LRP1: variants seen among roughly 807,000 people sequenced by gnomAD.
LRP1 encodes the protein prolow-density lipoprotein receptor-related protein 1.
LRP1 carries 51 observed loss-of-function variants against 541.5 expected under a neutral mutation model. The ratio of observed to expected loss-of-function variants is 0.09; its 90% CI spans 0.08 to 0.12. The LOEUF (loss-of-function observed/expected upper bound fraction) is 0.12, where lower values mean the gene tolerates loss of function less well. Among genes scored for constraint, LRP1 ranks in the 10% least tolerant of loss-of-function variants. The pLI, the probability that LRP1 is intolerant of heterozygous loss-of-function variation, is 1.00. For missense variants in LRP1, 3,878 were observed against 6,376.2 expected (o/e 0.61, Z 13.34); for synonymous variants, 2,219 against 2,470.8 (o/e 0.90, Z 3.02).
In LRP1 at chr12:57,195,663, A is replaced by C. The variant is rs754509643; in HGVS notation, c.8443A>C (p.Asn2815His). The change falls in exon 53 of 89, where the codon AAC becomes CAC. Residue 2815 changes from asparagine (N) to histidine (H), a missense_variant. Asn to His is a moderately conservative substitution (Grantham distance 68). Transcript: ENST00000243077. ...GTGTCCACCTCTGTCCACAGTGTAC[A>C]ACAGCACTTGTGACGACCGTGAGTT... ...DESIAAGCLYNSTCDDREFMC... is the reference protein window; with the variant it reads ...DESIAAGCLYHSTCDDREFMC... 3 of 1,613,984 alleles carry C rather than the reference A, an allele frequency of 1.9e-6. No homozygotes were observed. The highest frequency in any genetic ancestry group is 2.5e-6 in the Non-Finnish European group (3 of 1,180,024).
intron 62 of LRP1, 37 bp from the exon 63 acceptor site, chr12:57,200,405 C>G: frequency 9.4e-7 from 1 of 1,068,582 alleles, no homozygotes; most frequent in Non-Finnish European, 1.5e-6. Flanking sequence ...GTCCCCCAGA[C>G]CCCCACCAAC....
In LRP1 at chr12:57,211,020, A is replaced by G. The variant is rs554695101; in HGVS notation, c.12916+141A>G. 5.1e-6 allele frequency: 7 copies of G among 1,371,144 alleles called. No individual in the cohort carries two copies. In the African/African-American group the frequency reaches 1.0e-4, roughly 20 times the overall value. 84.9% of individuals were successfully genotyped at this position (1,371,144 alleles called of 1,614,324 possible). A position where few individuals can be genotyped will look rare whatever the true frequency, so the allele number is the denominator to read the frequency against. On this transcript the variant is annotated intron_variant, in intron 83 of 88. Transcript: ENST00000243077. The surrounding 1 kb of genome is among the most constrained non-coding windows in gnomAD (Gnocchi z 4.3). ...GCCTTATGCAGCTGAGCCAGGCCCA[A>G]GCTGCTGGCGCTTCCCCACAAAGGT...
intron 1 of LRP1, among the ~76,000 whole-genome samples, chr12:57,137,358 C>A (rs1001945107): frequency 4.0e-5 from 6 of 151,852 alleles, no homozygotes; most frequent in African/African-American, 1.2e-4. Flanking sequence ...GAGGGTAGGG[C>A]CAAGAGGTCC....
Position 57,211,253 on chromosome 12 carries a change from G to A in LRP1, c.12994G>A (p.Ala4332Thr). The A allele has an allele frequency of 6.2e-7, 1 of 1,614,190 alleles. No individual in the cohort carries two copies. The highest frequency in any genetic ancestry group is 8.5e-7 in the Non-Finnish European group (1 of 1,180,046). ...TGGCTCCCGACAATGCCGCTGCACT[G>A]CCTACTTTGAGGGATCGAGGTGTGA... ...ADGSRQCRCT[A>T]YFEGSRCEVN... Residue 4332 changes from alanine to threonine, a missense_variant, in exon 84 of 89, where the codon GCC becomes ACC. Physicochemically the swap from Ala to Thr is moderately conservative, Grantham distance 58 (BLOSUM62 0). Transcript: ENST00000243077. The surrounding 1 kb of genome is among the most constrained non-coding windows in gnomAD (Gnocchi z 4.3).
intron 49 of LRP1, 33 bp from the exon 50 acceptor site, chr12:57,194,544 G>A (rs1259949301): frequency 1.9e-6 from 3 of 1,612,452 alleles, no homozygotes; most frequent in East Asian, 4.5e-5. Context: ...GGCCTGCGGT[G>A]AGCAGGGCCC....
rs755366650 is a variant in LRP1, at chr12:57,185,575, T to A, written c.6508T>A (p.Cys2170Ser). Residue 2170 changes from cysteine to serine, a missense_variant, in exon 41 of 89, where the codon TGC becomes AGC. Coordinates refer to ENST00000243077, the MANE Select transcript of LRP1 (RefSeq NM_002332.3). The surrounding 1 kb of genome is among the most constrained non-coding windows in gnomAD (Gnocchi z 4.9). ...AVANGGCQQL[C>S]LYRGRGQRAC... ...GGCCAATGGCGGGTGCCAGCAGCTG[T>A]GCCTGTACCGGGGCCGTGGGCAGCG... 1 of 1,599,962 alleles carries A rather than the reference T, an allele frequency of 6.3e-7. No homozygotes were observed. The highest frequency in any genetic ancestry group is 1.1e-5 in the South Asian group (1 of 90,528).
chr12:57,176,004 C>T lies in LRP1; in HGVS notation c.3889C>T (p.Arg1297Cys). 6.2e-7 allele frequency: 1 copy of T among 1,614,210 alleles called. No individual in the cohort carries two copies. The highest frequency in any genetic ancestry group is 8.5e-7 in the Non-Finnish European group (1 of 1,180,048). Residue 1297 changes from arginine to cysteine, a missense_variant, in exon 24 of 89, where the codon CGC (arginine) becomes TGC (cysteine). Transcript: ENST00000243077. Reference protein sequence around the residue: ...GDYSVLVPGLRNTIALDFHLS... With the variant: ...GDYSVLVPGLCNTIALDFHLS... Reference sequence around the variant, plus strand: ...CTACAGCGTCCTGGTGCCCGGCCTGCGCAACACCATCGCCCTGGACTTCCA... The same window carrying T: ...CTACAGCGTCCTGGTGCCCGGCCTGTGCAACACCATCGCCCTGGACTTCCA...
intron 70 of LRP1, chr12:57,203,974 C>T (rs1229464495): frequency 5.2e-6 from 1 of 193,968 alleles, no homozygotes; most frequent in Admixed American, 5.8e-5. Flanking sequence ...TGAGAAAAGA[C>T]TGGGCCTTGG....
chr12:57,144,917 C>T lies in LRP1; in HGVS notation c.449-55C>T, dbSNP rs563224087. 8.3e-5 allele frequency: 131 copies of T among 1,570,770 alleles called. No homozygotes were observed. The South Asian group carries it at 1.4e-3, about 16-fold the overall frequency. On this transcript the variant is annotated intron_variant, in intron 4 of 88. Coordinates refer to ENST00000243077, the MANE Select transcript of LRP1 (RefSeq NM_002332.3). Reference sequence around the variant, plus strand: ...GTTGATCATGTCTGATGATCACCCACTTCGTTGCCCTTGTCACACTGGAAA... The same window carrying T: ...GTTGATCATGTCTGATGATCACCCATTTCGTTGCCCTTGTCACACTGGAAA...
Position 57,184,235 on chromosome 12 carries a change from G to A in LRP1, c.6059+21G>A, listed in dbSNP as rs369518216. 6.2e-7 allele frequency: 1 copy of A among 1,613,382 alleles called. No homozygotes were observed. Among genetic ancestry groups the A allele is most frequent in the Non-Finnish European group, 8.5e-7 (1 of 1,179,394 alleles). ...AAAGGGTGAGGAGCTGGAAAGACTG[G>A]CCTTGTCATTCTGCCCATGGCCCAT... On this transcript the variant is annotated intron_variant, in intron 37 of 88. Transcript: ENST00000243077. The surrounding 1 kb of genome is among the most constrained non-coding windows in gnomAD (Gnocchi z 7.8).
chr12:57,200,826 G>GACCCCCCCCCCCCC lies in LRP1; in HGVS notation c.10225+11_10225+12insACCCCCCCCCCCCC. 2 of 1,581,438 alleles carry GACCCCCCCCCCCCC rather than the reference G, an allele frequency of 1.3e-6. No homozygotes were observed. Among genetic ancestry groups the GACCCCCCCCCCCCC allele is most frequent in the Admixed American group, 1.7e-5 (1 of 58,546 alleles). ...ACGAGGCCAACTGTGGTAAGGCGCTGCCCGCCCACCCTCCCTCCTTCCCCA... is the reference window on the plus strand; with the variant it reads ...ACGAGGCCAACTGTGGTAAGGCGCTGACCCCCCCCCCCCCCCCGCCCACCCTCCCTCCTTCCCCA... On this transcript the variant is annotated intron_variant, in intron 64 of 88. Coordinates refer to ENST00000243077, the MANE Select transcript of LRP1 (RefSeq NM_002332.3).
intron 6 of LRP1, chr12:57,149,803 G>A (rs773678815): frequency 7.1e-6 from 5 of 701,344 alleles, no homozygotes; most frequent in African/African-American, 1.7e-5. Context: ...AGGCCACATC[G>A]TTTAGCAGAG....
At chr12:57,150,676 AG>A (rs1461471750) in intron 6 of LRP1, among the ~76,000 whole-genome samples, 2 of 152,136 alleles carry the variant, frequency 1.3e-5, no homozygotes, top group African/African-American at 4.8e-5. Flanking sequence ...GGGTTCAGGG[AG>A]GGGAGGACAT....
In LRP1 at chr12:57,167,668, C is replaced by T. The variant is rs1800176; in HGVS notation, c.2995+144C>T. ...CCCTGCTGGGTTGCCTGGGAGAAAA[C>T]AGGAGAAGTCAGAAATGCCTGGAGG... On this transcript the variant is annotated intron_variant, in intron 19 of 88. Coordinates refer to ENST00000243077, the MANE Select transcript of LRP1 (RefSeq NM_002332.3). 236,429 of 659,218 alleles carry T rather than the reference C, an allele frequency of 0.36. 47,894 individuals are homozygous for T. The highest frequency in any genetic ancestry group is 0.71 in the African/African-American group (39,477 of 55,440). The allele number at this position is 659,218 out of a possible 1,614,324, so 40.8% of individuals were successfully genotyped here.
At chr12:57,170,079 C>T (rs1011160907) in intron 20 of LRP1, among the ~76,000 whole-genome samples, 2 of 152,236 alleles carry the variant, frequency 1.3e-5, no homozygotes, top group Admixed American at 6.5e-5. Context: ...CCAGCCTCCG[C>T]GGTTTGCTGG....
At position 57,162,972 on chromosome 12, in the gene LRP1, T is replaced by A; in HGVS notation, c.2519T>A (p.Val840Asp). The stretch of plus-strand genomic sequence containing the variant: ...GACCAGGTGTTGGACGCAGACGGCG[T>A]CACTTGCTTGGGTATGAGGTGCCTG... ...AEDQVLDADG[V>D]TCLANPSYVP... The change falls in exon 15 of 89, where the codon GTC (valine) becomes GAC (aspartate). Residue 840 changes from valine to aspartate, a missense_variant. Transcript: ENST00000243077. The surrounding 1 kb of genome is among the most constrained non-coding windows in gnomAD (Gnocchi z 5.2). 6.2e-7 allele frequency: 1 copy of A among 1,602,586 alleles called. No individual in the cohort carries two copies. Among genetic ancestry groups the A allele is most frequent in the Non-Finnish European group, 8.5e-7 (1 of 1,177,164 alleles).
In LRP1 at chr12:57,158,296, C is replaced by T. The variant is rs2035660603; in HGVS notation, c.1562-106C>T. ...CCAGAGCCTCGCATCCCTAACGTCT[C>T]CTGACCCATCACAGCTAGGGCATTG... is the stretch of plus-strand genomic sequence containing the variant. On this transcript the variant is annotated intron_variant, in intron 10 of 88. Transcript: ENST00000243077. The surrounding 1 kb of genome is among the most constrained non-coding windows in gnomAD (Gnocchi z 5.3). 1.1e-6 allele frequency: 1 copy of T among 901,002 alleles called. No homozygotes were observed. The highest frequency in any genetic ancestry group is 3.4e-4 in the Middle Eastern group (1 of 2,966). 55.8% of individuals were successfully genotyped at this position (901,002 alleles called of 1,614,324 possible).
intron 12 of LRP1, 41 bp downstream of exon 12, chr12:57,160,046 G>A (rs200434045): frequency 1.3e-6 from 2 of 1,593,432 alleles, no homozygotes; most frequent in African/African-American, 1.3e-5. Context: ...AGCTGGGAGT[G>A]TGTGGGCCTC....
At chr12:57,141,915 T>C (rs1180425385) in intron 3 of LRP1, among the ~76,000 whole-genome samples, 1 of 152,202 alleles carries the variant, frequency 6.6e-6, no homozygotes. Context: ...TGACTAAAGC[T>C]TAGCCATCTA....
Sources: allele counts gnomAD v4.1 joint callset (sites outside exome capture counted in the v4.1 genomes callset), GRCh38; gene constraint gnomAD v4.1.1; non-coding constraint Gnocchi (gnomAD v3.1); transcripts MANE v1.5; gene names NCBI Gene and HGNC (gene_info 2026-07-23, HGNC 2026-07-21).